Variants in THSD4 observed in about 807,000 individuals in gnomAD.
THSD4 encodes the protein thrombospondin type 1 domain containing 4.
Under a neutral mutation model 119.0 loss-of-function variants are expected in THSD4, and 69 were observed. The observed-to-expected ratio is 0.58, with a 90% confidence interval of 0.48 to 0.71. The LOEUF is 0.71. Among genes scored for constraint, THSD4 ranks in the 30% least tolerant of loss-of-function variants. The pLI is 0.00. For missense variants in THSD4, 1,393 were observed against 1,391.1 expected (o/e 1.00, Z -0.02); for synonymous variants, 524 against 540.4 (o/e 0.97, Z 0.42).
chr15:71,509,750 G>GGT (rs2048250082), intron 7 of THSD4, among the ~76,000 whole-genome samples: 1 of 152,092 alleles, frequency 6.6e-6, no homozygotes, highest in Non-Finnish European at 1.5e-5. Context: ...TTTAAAAAGT[G>GGT]GTGGATCCTA....
chr15:71,657,096 C>A (rs1431144218), intron 7 of THSD4, among the ~76,000 whole-genome samples: 1 of 152,206 alleles, frequency 6.6e-6, no homozygotes, highest in Non-Finnish European at 1.5e-5. Context: ...TCCTGTCCAG[C>A]ACGACATAGA....
chr15:71,341,521 G>T (rs778666194), intron 6 of THSD4: 1 of 1,611,670 alleles, frequency 6.2e-7, no homozygotes, highest in East Asian at 2.2e-5. Flanking sequence ...CAACTCCACC[G>T]TTGTAATGTC....
intron 6 of THSD4, among the ~76,000 whole-genome samples, chr15:71,385,933 T>C (rs1205357876): frequency 6.6e-6 from 1 of 152,134 alleles, no homozygotes; most frequent in Non-Finnish European, 1.5e-5. Flanking sequence ...TCAGTAGAAC[T>C]GTGTGTTAGT....
intron 7 of THSD4, among the ~76,000 whole-genome samples, chr15:71,425,729 A>T (rs1404976999): frequency 6.6e-6 from 1 of 152,204 alleles, no homozygotes; most frequent in Non-Finnish European, 1.5e-5. Flanking sequence ...TAAATGTGTA[A>T]ATGAAAGAAG....
chr15:71,489,328 G>A (rs1436690004), intron 7 of THSD4, among the ~76,000 whole-genome samples: 1 of 152,030 alleles, frequency 6.6e-6, no homozygotes, highest in African/African-American at 2.4e-5. Flanking sequence ...CTCATTTTAA[G>A]TAAGTGCTCT....
intron 4 of THSD4, among the ~76,000 whole-genome samples, chr15:71,232,100 T>A (rs906188373): frequency 2.0e-5 from 3 of 152,082 alleles, no homozygotes; most frequent in African/African-American, 7.2e-5. Flanking sequence ...ACGTTTCTGG[T>A]CCTCAGCTGC....
chr15:71,693,359 A>G lies in THSD4; in HGVS notation c.1357+32625A>G, dbSNP rs545883412. Among the ~76,000 whole-genome samples, 281 of 152,316 alleles carry G rather than the reference A, an allele frequency of 1.8e-3. 2 individuals are homozygous for G. The highest frequency in any genetic ancestry group is 2.0e-3 in the Non-Finnish European group (134 of 68,026). On this transcript the variant is annotated intron_variant, in intron 8 of 17. Transcript: ENST00000261862. ...ATCCTAAATTGGTGGATAAAGAAACAAAGCCAACTGGGCTTGGTGGCTCAC... is the reference window on the plus strand; with the variant it reads ...ATCCTAAATTGGTGGATAAAGAAACGAAGCCAACTGGGCTTGGTGGCTCAC...
At chr15:71,534,013 G>C (rs1184750155) in intron 7 of THSD4, among the ~76,000 whole-genome samples, 1 of 152,146 alleles carries the variant, frequency 6.6e-6, no homozygotes, top group Non-Finnish European at 1.5e-5. Context: ...TCAGAGACAG[G>C]GTCTTGGTCT....
chr15:71,363,580 C>T (rs556091469), intron 6 of THSD4, among the ~76,000 whole-genome samples: 1 of 152,266 alleles, frequency 6.6e-6, no homozygotes, highest in East Asian at 1.9e-4. Flanking sequence ...GAACAAAAAG[C>T]GAAATCATGA....
intron 3 of THSD4, among the ~76,000 whole-genome samples, chr15:71,183,449 T>C (rs2043557503): frequency 6.6e-6 from 1 of 151,738 alleles, no homozygotes; most frequent in Admixed American, 6.6e-5. Context: ...TTCTGGACCT[T>C]GGGCAAGGTC....
intron 6 of THSD4, among the ~76,000 whole-genome samples, chr15:71,398,384 G>A (rs2046479923): frequency 6.6e-6 from 1 of 152,050 alleles, no homozygotes; most frequent in Non-Finnish European, 1.5e-5. Context: ...GAAGGTTTGG[G>A]GAATAATATA....
At chr15:71,567,160 A>G (rs28661475) in intron 7 of THSD4, among the ~76,000 whole-genome samples, 20,581 of 152,118 alleles carry the variant, frequency 0.14, 1,969 homozygotes, top group East Asian at 0.49. Flanking sequence ...GGCGGACCCT[A>G]TAAGAGGCAG....
chr15:71,736,504 G>C (rs1450003922), intron 10 of THSD4, among the ~76,000 whole-genome samples: 1 of 138,038 alleles, frequency 7.2e-6, no homozygotes, highest in African/African-American at 2.7e-5. Context: ...TCTCTGTCTT[G>C]CTCTCTCTAT....
At chr15:71,537,743 TA>T (rs928797337) in intron 7 of THSD4, among the ~76,000 whole-genome samples, 2 of 152,080 alleles carry the variant, frequency 1.3e-5, no homozygotes. Context: ...TATTTGGCTT[TA>T]AAAAAATTTT....
chr15:71,585,548 C>T (rs2049649494), intron 7 of THSD4, among the ~76,000 whole-genome samples: 1 of 152,156 alleles, frequency 6.6e-6, no homozygotes, highest in South Asian at 2.1e-4. Flanking sequence ...TATAATGTGT[C>T]TCAGTGAAGA....
intron 8 of THSD4, among the ~76,000 whole-genome samples, chr15:71,698,314 C>T (rs1001225440): frequency 3.9e-5 from 6 of 151,952 alleles, no homozygotes; most frequent in Admixed American, 2.6e-4. Flanking sequence ...TTAGAGTGGC[C>T]GTTATCAAAC....
chr15:71,432,771 A>G (rs2046959381), intron 7 of THSD4, among the ~76,000 whole-genome samples: 1 of 151,786 alleles, frequency 6.6e-6, no homozygotes, highest in African/African-American at 2.4e-5. Context: ...AACTTTTTAT[A>G]TTTATTCAGT....
chr15:71,520,222 G>A (rs1254898734), intron 7 of THSD4, among the ~76,000 whole-genome samples: 3 of 152,188 alleles, frequency 2.0e-5, no homozygotes, highest in Non-Finnish European at 2.9e-5. Flanking sequence ...TTGTCAGAGA[G>A]GGTTGGAGCG....
intron 8 of THSD4, among the ~76,000 whole-genome samples, chr15:71,704,392 G>T (rs1389629365): frequency 2.6e-5 from 4 of 152,180 alleles, no homozygotes; most frequent in Non-Finnish European, 5.9e-5. Context: ...TTCCCTTGCT[G>T]TTGTGACAGT....
Sources: allele counts gnomAD v4.1 joint callset (sites outside exome capture counted in the v4.1 genomes callset), GRCh38; gene constraint gnomAD v4.1.1; transcripts MANE v1.5; gene names NCBI Gene and HGNC (gene_info 2026-07-23, HGNC 2026-07-21).